CDK14: variants seen among roughly 807,000 people sequenced by gnomAD.
The protein encoded by CDK14 is cyclin-dependent kinase 14.
A neutral mutation model predicts 60.7 loss-of-function variants in CDK14; 34 were observed. The observed-to-expected ratio is 0.56, with a 90% CI of 0.43 to 0.75. CDK14 has a LOEUF of 0.75. CDK14 is among the 30% of genes least tolerant of loss of function. The pLI is 0.00. For missense variants in CDK14, 482 were observed against 564.1 expected, an observed-to-expected ratio of 0.85 and a Z score of 1.47; for synonymous variants, 197 against 203.7, an observed-to-expected ratio of 0.97 and a Z score of 0.28.
At chr7:90,636,602 G>T (rs1342171134) in intron 2 of CDK14, among the ~76,000 whole-genome samples, 3 of 151,272 alleles carry the variant, frequency 2.0e-5, no homozygotes, top group Non-Finnish European at 2.9e-5. Flanking sequence ...TCTCTTTTTT[G>T]GTTGTATCTC....
intron 2 of CDK14, among the ~76,000 whole-genome samples, chr7:90,702,663 A>T (rs942356589): frequency 6.6e-6 from 1 of 151,168 alleles, no homozygotes; most frequent in African/African-American, 2.4e-5. Context: ...TCGAATATCC[A>T]GCACTGTTAA....
intron 5 of CDK14, among the ~76,000 whole-genome samples, chr7:90,813,289 A>G (rs928050076): frequency 2.6e-5 from 4 of 152,226 alleles, no homozygotes; most frequent in Admixed American, 6.5e-5. Context: ...AAGGATTGAC[A>G]GTGAACTGTT....
chr7:90,748,778 G>A (rs1040741222), intron 4 of CDK14, among the ~76,000 whole-genome samples: 13 of 151,980 alleles, frequency 8.6e-5, no homozygotes, highest in African/African-American at 2.9e-4. Flanking sequence ...TTGCAGAAAC[G>A]GAATTTTCCT....
chr7:90,744,089 G>T (rs1803467318), intron 3 of CDK14, among the ~76,000 whole-genome samples: 1 of 152,134 alleles, frequency 6.6e-6, no homozygotes, highest in Non-Finnish European at 1.5e-5. Flanking sequence ...TAGGACAATA[G>T]TGGATGGAAG....
chr7:90,610,593 G>T (rs1799519845), intron 2 of CDK14, among the ~76,000 whole-genome samples: 2 of 152,208 alleles, frequency 1.3e-5, no homozygotes, highest in South Asian at 4.1e-4. Flanking sequence ...GAGACCAGAA[G>T]TCTGACAAAC....
At chr7:91,006,985 G>T (rs1795996567) in intron 10 of CDK14, among the ~76,000 whole-genome samples, 1 of 152,136 alleles carries the variant, frequency 6.6e-6, no homozygotes, top group African/African-American at 2.4e-5. Flanking sequence ...GTCATGGAAC[G>T]ACAAGCCTGC....
At position 90,726,628 on chromosome 7, in the gene CDK14, T is replaced by A; in HGVS notation, c.185T>A (p.Leu62Gln). 1 of 1,613,808 alleles carries A rather than the reference T, an allele frequency of 6.2e-7. No individual in the cohort carries two copies. Among genetic ancestry groups the A allele is most frequent in the Non-Finnish European group, 8.5e-7 (1 of 1,179,782 alleles). ...GGAATGGACTCAGTGATCAAACCCCTGGACACAATTCCTGAGGATAAAAAA... is the reference window on the plus strand; with the variant it reads ...GGAATGGACTCAGTGATCAAACCCCAGGACACAATTCCTGAGGATAAAAAA... ...CQGMDSVIKP[L>Q]DTIPEDKKVR... The change falls in exon 3 of 15, where the codon CTG (leucine) becomes CAG (glutamine). Residue 62 changes from leucine to glutamine, a missense_variant. Transcript: ENST00000380050.
chr7:90,841,125 G>A (rs1020349126), intron 5 of CDK14, among the ~76,000 whole-genome samples: 3 of 152,062 alleles, frequency 2.0e-5, no homozygotes, highest in African/African-American at 7.2e-5. Context: ...AGGCAAATAA[G>A]TTTTACTTTC....
rs1456223425 is a variant in CDK14, at chr7:91,034,933, C to CACAT, written c.1042-10961_1042-10960insTACA. 7.7e-3 allele frequency among the ~76,000 whole-genome samples: 918 copies of CACAT among 119,160 alleles called. 4 individuals carry two copies. Among genetic ancestry groups the CACAT allele is most frequent in the African/African-American group, 0.029 (858 of 29,570 alleles). 78.2% of individuals were successfully genotyped at this position (119,160 alleles called of 152,430 possible). A position where few individuals can be genotyped will look rare whatever the true frequency, so the allele number is the denominator to read the frequency against. On this transcript the variant is annotated intron_variant, in intron 10 of 14. Coordinates refer to ENST00000380050, the MANE Select transcript of CDK14 (RefSeq NM_001287135.2). ...AAACTCACACCTGTGTACACACACA[C>CACAT]ACACATACACATACACACACACACA... is the stretch of plus-strand genomic sequence containing the variant.
At chr7:90,700,091 G>A (rs942571714) in intron 2 of CDK14, among the ~76,000 whole-genome samples, 3 of 152,238 alleles carry the variant, frequency 2.0e-5, no homozygotes, top group African/African-American at 7.2e-5. Context: ...AAAAAGTTTG[G>A]TTGTCTGTGT....
chr7:91,168,071 G>A (rs1801401941), intron 14 of CDK14, among the ~76,000 whole-genome samples: 1 of 152,056 alleles, frequency 6.6e-6, no homozygotes, highest in Admixed American at 6.5e-5. Context: ...AGACCACCCT[G>A]GCCAACATGG....
At chr7:90,862,141 A>C (rs2117217500) in intron 5 of CDK14, among the ~76,000 whole-genome samples, 1 of 152,332 alleles carries the variant, frequency 6.6e-6, no homozygotes, top group Admixed American at 6.5e-5. Flanking sequence ...ACTAAATTGC[A>C]AGGTACCTAA....
chr7:91,067,329 C>T (rs574761347), intron 11 of CDK14, among the ~76,000 whole-genome samples: 122 of 152,280 alleles, frequency 8.0e-4, no homozygotes, highest in Admixed American at 1.9e-3. Context: ...AGAAATGCCT[C>T]CATTTGAAAT....
intron 10 of CDK14, among the ~76,000 whole-genome samples, chr7:91,034,429 C>G (rs1424567456): frequency 6.6e-6 from 1 of 152,072 alleles, no homozygotes; most frequent in Non-Finnish European, 1.5e-5. Context: ...CCAAGCACCA[C>G]TAAATGAGAC....
intron 6 of CDK14, among the ~76,000 whole-genome samples, chr7:90,883,805 A>G (rs1484283753): frequency 4.6e-5 from 7 of 152,214 alleles, no homozygotes; most frequent in African/African-American, 1.7e-4. Flanking sequence ...AATAAATGTA[A>G]TCCATCACAT....
chr7:90,927,972 A>G (rs1374915778), intron 8 of CDK14, among the ~76,000 whole-genome samples: 2 of 151,996 alleles, frequency 1.3e-5, no homozygotes, highest in African/African-American at 4.8e-5. Context: ...TCAATCTTCA[A>G]TCACTGATGC....
intron 9 of CDK14, among the ~76,000 whole-genome samples, chr7:90,972,693 T>C (rs1010295769): frequency 1.3e-5 from 2 of 152,250 alleles, no homozygotes; most frequent in African/African-American, 4.8e-5. Context: ...TTAGATTATG[T>C]TTTGCATTTA....
At chr7:91,047,110 G>A (rs1797260667) in intron 11 of CDK14, among the ~76,000 whole-genome samples, 1 of 152,076 alleles carries the variant, frequency 6.6e-6, no homozygotes, top group Admixed American at 6.6e-5. Flanking sequence ...CAACTAAGAG[G>A]CATCCTCTAA....
intron 2 of CDK14, among the ~76,000 whole-genome samples, chr7:90,660,637 A>G (rs1800849592): frequency 1.3e-5 from 2 of 152,252 alleles, no homozygotes; most frequent in Admixed American, 6.5e-5. Flanking sequence ...TACATACAAT[A>G]TCAGTGTCAT....
Sources: allele counts gnomAD v4.1 joint callset (sites outside exome capture counted in the v4.1 genomes callset), GRCh38; gene constraint gnomAD v4.1.1; transcripts MANE v1.5; gene names NCBI Gene and HGNC (gene_info 2026-07-23, HGNC 2026-07-21).